The following KIAA0586 variants were observed in gnomAD, a reference collection of about 807,000 sequenced individuals.
KIAA0586 encodes KIAA0586.
Under a neutral mutation model 169.8 loss-of-function variants are expected in KIAA0586, and 144 were observed. That is an observed-to-expected ratio of 0.85 (90% CI 0.74 to 0.97). The LOEUF (loss-of-function observed/expected upper bound fraction) is 0.97, where lower values mean the gene tolerates loss of function less well. Among genes scored for constraint, KIAA0586 ranks in the 50% least tolerant of loss-of-function variants. The pLI is 0.00. For synonymous variants in KIAA0586, 625 were observed against 612.4 expected (o/e 1.02, Z -0.30); for missense variants, 1,854 against 1,823.0 (o/e 1.02, Z -0.31).
intron 27 of KIAA0586, 125 bp downstream of exon 27, chr14:58,499,085 G>A: frequency 1.2e-6 from 1 of 809,424 alleles, no homozygotes; most frequent in Non-Finnish European, 1.9e-6. Context: ...TTTAATAATT[G>A]GAAAGTTTGG....
intron 27 of KIAA0586, 35 bp downstream of exon 27, chr14:58,498,995 A>G (rs1236088142): frequency 2.0e-6 from 3 of 1,526,560 alleles, no homozygotes; most frequent in African/African-American, 1.4e-5. Flanking sequence ...GATGTGTCAT[A>G]GTAGTATCCC....
chr14:58,427,646 C>T (rs1193251424), upstream of KIAA0586: 2 of 1,535,500 alleles, frequency 1.3e-6, no homozygotes, highest in Non-Finnish European at 1.7e-6. Flanking sequence ...GGGTGAGTTT[C>T]TTGGCGCGCA....
intron 4 of KIAA0586, among the ~76,000 whole-genome samples, chr14:58,435,368 C>T (rs2037739762): frequency 6.6e-6 from 1 of 152,028 alleles, no homozygotes; most frequent in African/African-American, 2.4e-5. Flanking sequence ...ATAATTGTAC[C>T]TATTTGTAGG....
At chr14:58,451,042 G>T (rs2039331981) in intron 8 of KIAA0586, among the ~76,000 whole-genome samples, 1 of 140,340 alleles carries the variant, frequency 7.1e-6, no homozygotes, top group Non-Finnish European at 1.5e-5. Context: ...AGGCTGGAGT[G>T]CAGTGGTGCG....
intron 28 of KIAA0586, 87 bp from the exon 29 acceptor site, chr14:58,512,435 T>A (rs1595442232): frequency 5.6e-6 from 4 of 719,332 alleles, no homozygotes; most frequent in Admixed American, 3.8e-5. Context: ...TTATTAAAAT[T>A]TTATAAACAC....
At chr14:58,463,980 C>G (rs574980656) in intron 14 of KIAA0586, 1 of 450,260 alleles carries the variant, frequency 2.2e-6, no homozygotes, top group Non-Finnish European at 4.6e-6. Flanking sequence ...GACCTCACCT[C>G]GGTGGTGTAG....
At chr14:58,446,202 A>T (rs1030600188) in intron 6 of KIAA0586, among the ~76,000 whole-genome samples, 5 of 151,920 alleles carry the variant, frequency 3.3e-5, no homozygotes, top group African/African-American at 1.2e-4. Flanking sequence ...AAAAATTAAA[A>T]TATAACATTC....
chr14:58,545,784 A>T (rs1033712333), intron 30 of KIAA0586, among the ~76,000 whole-genome samples: 1 of 151,936 alleles, frequency 6.6e-6, no homozygotes, highest in African/African-American at 2.4e-5. Context: ...GGGAGGCTGA[A>T]GAAGGAGGAT....
At position 58,460,995 on chromosome 14, in the gene KIAA0586, A is replaced by G; in HGVS notation, c.1894A>G (p.Lys632Glu). 6.3e-7 allele frequency: 1 copy of G among 1,595,720 alleles called. No homozygotes were observed. ...AACTTTGTACACACAGGGGCTTTTG[A>G]AAGCAACCACAGTAATACAAGATGA... ...LQKERKEGLL[K>E]ATTVIQDEDY... The change falls in exon 14 of 31, where the codon AAA becomes GAA. Residue 632 changes from lysine (K) to glutamate (E), a missense_variant. Transcript: ENST00000652326.
At chr14:58,434,941 A>C (rs2037691965) in intron 4 of KIAA0586, among the ~76,000 whole-genome samples, 1 of 151,290 alleles carries the variant, frequency 6.6e-6, no homozygotes, top group African/African-American at 2.4e-5. Flanking sequence ...GGCATGTGCC[A>C]CCACATCCAG....
Position 58,460,059 on chromosome 14 carries a change from G to T in KIAA0586, c.1873G>T (p.Glu625Ter). Residue 625 changes from glutamate to a stop codon, truncating the protein, a stop_gained, in exon 13 of 31, where the codon GAG (glutamate) becomes TAG (stop). Transcript: ENST00000652326. LOFTEE classifies it high-confidence loss of function. ...CATGCCTGCTTCAAGTTTACAGAAAGAGAGAAAGGAAGTAAGATCCTAATC... is the reference window on the plus strand; with the variant it reads ...CATGCCTGCTTCAAGTTTACAGAAATAGAGAAAGGAAGTAAGATCCTAATC... Reference protein sequence around the residue: ...RGMPASSLQKERKEGLLKATT... With the variant: ...RGMPASSLQK The T allele has an allele frequency of 6.6e-7, 1 of 1,506,680 alleles. No individual in the cohort carries two copies. Among genetic ancestry groups the T allele is most frequent in the South Asian group, 1.2e-5 (1 of 82,174 alleles). 93.3% of individuals were successfully genotyped at this position (1,506,680 alleles called of 1,614,324 possible). A position where few individuals can be genotyped will look rare whatever the true frequency, so the allele number is the denominator to read the frequency against.
intron 7 of KIAA0586, among the ~76,000 whole-genome samples, chr14:58,450,025 A>T (rs111366967): frequency 1.6e-4 from 24 of 152,180 alleles, no homozygotes; most frequent in Non-Finnish European, 3.2e-4. Flanking sequence ...TATTTTATAT[A>T]GTTGTCTTCA....
chr14:58,454,896 T>A (rs1422784361), intron 9 of KIAA0586, among the ~76,000 whole-genome samples: 1 of 152,212 alleles, frequency 6.6e-6, no homozygotes, highest in African/African-American at 2.4e-5. Flanking sequence ...TCTTTTTCTT[T>A]CAGCATTTTG....
intron 3 of KIAA0586, 95 bp from the exon 4 acceptor site, chr14:58,432,293 C>CATTCTTTTAGTTAAAAAAG: frequency 2.8e-6 from 2 of 724,738 alleles, no homozygotes; most frequent in South Asian, 3.7e-5. Flanking sequence ...AGTTCCTAAA[C>CATTCTTTTAGTTAAAAAAG]ATTCTTTTAG....
In KIAA0586 at chr14:58,547,889, C is replaced by A; in HGVS notation, c.4604C>A (p.Thr1535Lys). ...TGCTCTCAGTCTCTGAGTCTCAGCA[C>A]AATGCAGGAGGACATGGAGTCTTCG... is the stretch of plus-strand genomic sequence containing the variant. Reference protein sequence around the residue: ...EDCSQSLSLSTMQEDMESSGA... With the variant: ...EDCSQSLSLSKMQEDMESSGA... The change falls in exon 31 of 31, where the codon ACA becomes AAA. Residue 1535 changes from threonine (T) to lysine (K), a missense_variant. Coordinates refer to ENST00000652326, the MANE Select transcript of KIAA0586 (RefSeq NM_001329943.3). The A allele has an allele frequency of 6.2e-7, 1 of 1,613,710 alleles. No individual in the cohort carries two copies. The highest frequency in any genetic ancestry group is 1.1e-5 in the South Asian group (1 of 91,066).
Position 58,540,115 on chromosome 14 carries a change from T to C in KIAA0586, c.4474T>C (p.Tyr1492His). Reference sequence around the variant, plus strand: ...TCGGACACAAATTGAGCTTAATCCGTACCTCACATGTGTATTTTCAGGTAA... The same window carrying C: ...TCGGACACAAATTGAGCTTAATCCGCACCTCACATGTGTATTTTCAGGTAA... ...MDRTQIELNP[Y>H]LTCVFSGGKA... Residue 1492 changes from tyrosine (Y) to histidine (H), a missense_variant, in exon 30 of 31, where the codon TAC (tyrosine) becomes CAC (histidine). By Grantham distance (83) the Tyr-to-His change is moderately conservative (BLOSUM62 2). Transcript: ENST00000652326. The C allele has an allele frequency of 6.4e-7, 1 of 1,557,226 alleles. No homozygotes were observed. The highest frequency in any genetic ancestry group is 8.7e-7 in the Non-Finnish European group (1 of 1,145,902).
chr14:58,484,799 G>A (rs762443426), intron 21 of KIAA0586, among the ~76,000 whole-genome samples: 65 of 142,636 alleles, frequency 4.6e-4, no homozygotes, highest in Non-Finnish European at 9.5e-4. Flanking sequence ...ATCTTAATTT[G>A]CAACCCATAA....
At chr14:58,555,885 G>A (rs1229825426), downstream of KIAA0586, among the ~76,000 whole-genome samples, 1 of 152,160 alleles carries the variant, frequency 6.6e-6, no homozygotes, top group Non-Finnish European at 1.5e-5. Flanking sequence ...TCAATTTGAT[G>A]GAACTCTTTG....
At chr14:58,503,365 T>C (rs1394488484) in intron 27 of KIAA0586, among the ~76,000 whole-genome samples, 3 of 152,180 alleles carry the variant, frequency 2.0e-5, no homozygotes, top group African/African-American at 7.2e-5. Context: ...AACTCATTTG[T>C]GAGGGCTTAG....
Sources: gnomAD v4.1 joint callset for allele counts (sites outside exome capture counted in the v4.1 genomes callset) on GRCh38, gnomAD v4.1.1 for gene constraint, MANE v1.5 for transcripts, NCBI Gene and HGNC (gene_info 2026-07-23, HGNC 2026-07-21) for gene names.